Variants in PRR16 observed in about 807,000 individuals in gnomAD.
The protein encoded by PRR16 is proline rich 16, also known as protein Largen.
PRR16 carries 6 observed loss-of-function variants against 18.2 expected under a neutral mutation model. That is an observed-to-expected ratio of 0.33 (90% CI 0.18 to 0.65). The LOEUF (loss-of-function observed/expected upper bound fraction) is 0.65, where lower values mean the gene tolerates loss of function less well. PRR16 is among the 30% of genes least tolerant of loss of function. PRR16 has a pLI of 0.74. For missense variants in PRR16, 412 were observed against 376.6 expected, an observed-to-expected ratio of 1.09 and a Z score of -0.78; for synonymous variants, 151 against 147.8, an observed-to-expected ratio of 1.02 and a Z score of -0.16.
At chr5:120,784,144 T>C in the PRR16 span, among the ~76,000 whole-genome samples, 23 of 152,222 alleles carry the variant, frequency 1.5e-4, no homozygotes, top group Non-Finnish European at 3.4e-4. Flanking sequence ...ATCTTGGCTA[T>C]TGTGAGTAGT....
chr5:120,753,120 A>C, the PRR16 span, among the ~76,000 whole-genome samples: 1 of 152,104 alleles, frequency 6.6e-6, no homozygotes, highest in African/African-American at 2.4e-5. Context: ...GAGCATTTGT[A>C]AAAGGTCAAT....
Position 120,686,537 on chromosome 5 carries a change from G to C in PRR16, c.743G>C (p.Gly248Ala). The change falls in exon 2 of 2, where the codon GGC becomes GCC. Residue 248 changes from glycine to alanine, a missense_variant. Transcript: ENST00000407149. ...VHPPGKIPHQ[G>A]PPLPPTPHLP... is the part of the protein sequence containing the mutation. The stretch of plus-strand genomic sequence containing the variant: ...CCACCGGGAAAGATTCCTCACCAAG[G>C]CCCTCCCCTCCCTCCTACACCCCAT... 1 of 1,613,300 alleles carries C rather than the reference G, an allele frequency of 6.2e-7. No homozygotes were observed. Among genetic ancestry groups the C allele is most frequent in the Non-Finnish European group, 8.5e-7 (1 of 1,179,794 alleles).
intron 1 of PRR16, among the ~76,000 whole-genome samples, chr5:120,518,819 C>T (rs974561296): frequency 1.3e-5 from 2 of 152,164 alleles, no homozygotes; most frequent in African/African-American, 4.8e-5. Flanking sequence ...CCCCTTGCCT[C>T]TTTTCCCCTT....
chr5:120,489,831 T>C (rs1301886829), intron 1 of PRR16, among the ~76,000 whole-genome samples: 1 of 152,200 alleles, frequency 6.6e-6, no homozygotes, highest in Non-Finnish European at 1.5e-5. Context: ...TCAGGAGCTC[T>C]TTTAGGGCAG....
At chr5:120,523,893 C>G (rs1751268090) in intron 1 of PRR16, among the ~76,000 whole-genome samples, 1 of 151,918 alleles carries the variant, frequency 6.6e-6, no homozygotes, top group Non-Finnish European at 1.5e-5. Context: ...TAATTCAACC[C>G]AAGAGAAATA....
the PRR16 span, among the ~76,000 whole-genome samples, chr5:120,733,594 A>T: frequency 6.6e-6 from 1 of 152,118 alleles, no homozygotes; most frequent in East Asian, 1.9e-4. Flanking sequence ...GTAGCTCAAG[A>T]AGTTGTATAA....
In PRR16 at chr5:120,681,756, T is replaced by A. The variant is rs544364951; in HGVS notation, c.160-4198T>A. ...ATTAACATTCCCAATTATTTTTCAG[T>A]ATGAACCTATTCCTAAATTTTCTTG... On this transcript the variant is annotated intron_variant, in intron 1 of 1. Transcript: ENST00000407149. Among the ~76,000 whole-genome samples the A allele has an allele frequency of 4.5e-4, 69 of 152,354 alleles. 1 individual carries two copies. The South Asian group carries it at 0.013, about 28-fold the overall frequency.
chr5:120,681,830 C>A (rs75915290), intron 1 of PRR16, among the ~76,000 whole-genome samples: 8 of 152,172 alleles, frequency 5.3e-5, no homozygotes, highest in Admixed American at 6.6e-5. Context: ...TTTTGTTACT[C>A]TATAAATACT....
intron 1 of PRR16, among the ~76,000 whole-genome samples, chr5:120,497,384 A>ATTTTTTTTTTTT (rs765496177): frequency 3.6e-5 from 3 of 84,180 alleles, no homozygotes; most frequent in East Asian, 3.1e-4. Context: ...TGATGAACTG[A>ATTTTTTTTTTTT]TTTTTTTTTT....
chr5:120,530,204 AATATT>A (rs568819424), intron 1 of PRR16, among the ~76,000 whole-genome samples: 146 of 145,172 alleles, frequency 1.0e-3, no homozygotes, highest in African/African-American at 3.6e-3. Context: ...ATATATATAT[AATATT>A]ATATATTAGC....
chr5:120,767,398 T>C, the PRR16 span, among the ~76,000 whole-genome samples: 2 of 151,916 alleles, frequency 1.3e-5, no homozygotes, highest in Non-Finnish European at 2.9e-5. Flanking sequence ...AATAAAATAC[T>C]GTATTTCACA....
intron 1 of PRR16, among the ~76,000 whole-genome samples, chr5:120,598,032 C>G (rs999086308): frequency 6.6e-6 from 1 of 151,942 alleles, no homozygotes; most frequent in African/African-American, 2.4e-5. Flanking sequence ...TACAAACATA[C>G]AGGACCGTCC....
rs1391733913 is a variant in PRR16, at chr5:120,516,033, C to G, written c.159+51388C>G. Among the ~76,000 whole-genome samples, 3 of 152,084 alleles carry G rather than the reference C, an allele frequency of 2.0e-5. 1 individual carries two copies. The highest frequency in any genetic ancestry group is 7.2e-5 in the African/African-American group (3 of 41,428). Reference sequence around the variant, plus strand: ...CAATTTTCACTTTCCTGAAAGTTCCCTCTTTTTAGTACAACTGCTTCCCTA... The same window carrying G: ...CAATTTTCACTTTCCTGAAAGTTCCGTCTTTTTAGTACAACTGCTTCCCTA... On this transcript the variant is annotated intron_variant, in intron 1 of 1. Coordinates refer to ENST00000407149, the MANE Select transcript of PRR16 (RefSeq NM_001300783.2).
chr5:120,577,974 C>G (rs1344724570), intron 1 of PRR16, among the ~76,000 whole-genome samples: 1 of 151,774 alleles, frequency 6.6e-6, no homozygotes, highest in African/African-American at 2.4e-5. Context: ...AAGTGGTATG[C>G]TAACTTATGA....
At chr5:120,566,273 G>T (rs151324678) in intron 1 of PRR16, among the ~76,000 whole-genome samples, 1 of 152,092 alleles carries the variant, frequency 6.6e-6, no homozygotes, top group African/African-American at 2.4e-5. Context: ...CTGAATCTTG[G>T]ACTTCCTTGC....
At chr5:120,559,248 C>T (rs769552065) in intron 1 of PRR16, among the ~76,000 whole-genome samples, 8 of 151,756 alleles carry the variant, frequency 5.3e-5, no homozygotes, top group Middle Eastern at 3.2e-3. Context: ...GAGAGTTCCC[C>T]GAATATTTTT....
chr5:120,464,651 A>G lies in PRR16; in HGVS notation c.159+6A>G. On this transcript the variant is annotated splice_donor_region_variant and intron_variant, in intron 1 of 1. Transcript: ENST00000407149. ...TGGCCAAGGAACTTAAGGAGGTGAG[A>G]GGCGCAGGGGTGGGGAGGGAGTTCG... is the stretch of plus-strand genomic sequence containing the variant. 1.3e-6 allele frequency: 2 copies of G among 1,553,808 alleles called. No individual in the cohort carries two copies. The highest frequency in any genetic ancestry group is 1.7e-6 in the Non-Finnish European group (2 of 1,156,782).
At chr5:120,643,129 C>G (rs1755476151) in intron 1 of PRR16, among the ~76,000 whole-genome samples, 1 of 150,888 alleles carries the variant, frequency 6.6e-6, no homozygotes, top group Non-Finnish European at 1.5e-5. Context: ...AATGAGAATT[C>G]AAATGTAAGC....
In PRR16 at chr5:120,658,619, G is replaced by A. The variant is rs183527383; in HGVS notation, c.160-27335G>A. Among the ~76,000 whole-genome samples the A allele has an allele frequency of 2.0e-3, 298 of 151,822 alleles. 3 individuals carry two copies. The highest frequency in any genetic ancestry group is 3.4e-3 in the Middle Eastern group (1 of 294). ...CTGTCTAGTAGAAGCTTTGAAATTTGATGAAAGACAAAAATAAGATACTAC... is the reference window on the plus strand; with the variant it reads ...CTGTCTAGTAGAAGCTTTGAAATTTAATGAAAGACAAAAATAAGATACTAC... On this transcript the variant is annotated intron_variant, in intron 1 of 1. Transcript: ENST00000407149.
Sources: gnomAD v4.1 joint callset for allele counts (sites outside exome capture counted in the v4.1 genomes callset) on GRCh38, gnomAD v4.1.1 for gene constraint, MANE v1.5 for transcripts, NCBI Gene and HGNC (gene_info 2026-07-23, HGNC 2026-07-21) for gene names.